The following ARFGEF1 variants were observed in gnomAD, a reference collection of about 807,000 sequenced individuals.
ARFGEF1 encodes brefeldin A-inhibited guanine nucleotide-exchange protein 1.
A neutral mutation model predicts 231.0 loss-of-function variants in ARFGEF1; 42 were observed. That is an observed-to-expected ratio of 0.18 (90% CI 0.14 to 0.24). The LOEUF is 0.24. Ranked by LOEUF, ARFGEF1 falls within the 10% of genes least tolerant of loss-of-function variation. The pLI is 1.00. For missense variants in ARFGEF1, 1,345 were observed against 2,192.0 expected, an observed-to-expected ratio of 0.61 and a Z score of 7.72; for synonymous variants, 710 against 732.3, an observed-to-expected ratio of 0.97 and a Z score of 0.49.
intron 1 of ARFGEF1, among the ~76,000 whole-genome samples, chr8:67,317,587 C>A: frequency 7.1e-6 from 1 of 140,232 alleles, no homozygotes. Flanking sequence ...GGGGTTTATT[C>A]TAAAGACACA....
intron 35 of ARFGEF1, among the ~76,000 whole-genome samples, chr8:67,203,489 C>T (rs1489214269): frequency 6.6e-6 from 1 of 152,180 alleles, no homozygotes; most frequent in African/African-American, 2.4e-5. Flanking sequence ...CGTTCCTCAG[C>T]CCCTCAAGTC....
intron 1 of ARFGEF1, among the ~76,000 whole-genome samples, chr8:67,316,191 T>C (rs1807308016): frequency 6.6e-6 from 1 of 152,132 alleles, no homozygotes; most frequent in African/African-American, 2.4e-5. Context: ...GACCAATTCC[T>C]CAAGAAGCAC....
intron 36 of ARFGEF1, among the ~76,000 whole-genome samples, chr8:67,202,143 A>G (rs756127281): frequency 5.9e-5 from 9 of 152,236 alleles, no homozygotes; most frequent in Non-Finnish European, 1.3e-4. Context: ...AACATTAAGC[A>G]CCAAACCCTT....
intron 1 of ARFGEF1, among the ~76,000 whole-genome samples, chr8:67,329,069 T>C (rs1319357669): frequency 4.0e-5 from 6 of 151,656 alleles, no homozygotes; most frequent in Admixed American, 2.0e-4. Flanking sequence ...CTACTAAAAA[T>C]ACAAAAATTA....
intron 23 of ARFGEF1, among the ~76,000 whole-genome samples, chr8:67,230,724 T>A (rs2128873612): frequency 6.6e-6 from 1 of 152,206 alleles, no homozygotes; most frequent in Non-Finnish European, 1.5e-5. Context: ...AAACCATTCA[T>A]GGATAAAGTC....
At chr8:67,216,463 ATCCAG>A in intron 33 of ARFGEF1, 122 bp downstream of exon 33, 1 of 848,260 alleles carries the variant, frequency 1.2e-6, no homozygotes, top group African/African-American at 1.8e-5. Flanking sequence ...TTTATAAGTA[ATCCAG>A]TCTCAGATAT....
At chr8:67,260,324 G>A (rs916087301) in intron 14 of ARFGEF1, among the ~76,000 whole-genome samples, 2 of 152,100 alleles carry the variant, frequency 1.3e-5, no homozygotes, top group African/African-American at 4.8e-5. Context: ...TCACAGATAC[G>A]TGTTTTTTAC....
chr8:67,175,126 CTTTAG>C, downstream of ARFGEF1: 1 of 603,952 alleles, frequency 1.7e-6, no homozygotes, highest in Non-Finnish European at 3.0e-6. Flanking sequence ...ATTTCATATT[CTTTAG>C]TTTTGTGGCT....
intron 14 of ARFGEF1, among the ~76,000 whole-genome samples, chr8:67,262,394 T>G (rs571107403): frequency 6.6e-6 from 1 of 152,170 alleles, no homozygotes; most frequent in Non-Finnish European, 1.5e-5. Context: ...TATAGACAAG[T>G]GAAAACAGTG....
At position 67,300,543 on chromosome 8, in the gene ARFGEF1, G is replaced by A. The variant is rs756512314; in HGVS notation, c.312+681C>T. ...TTCATATAAAACAGACACTGGCCAGGCACAGTGGCTCACGCCTGTAATCCC... is the reference window on the plus strand; with the variant it reads ...TTCATATAAAACAGACACTGGCCAGACACAGTGGCTCACGCCTGTAATCCC... On this transcript the variant is annotated intron_variant, in intron 3 of 38. Transcript: ENST00000262215. Among the ~76,000 whole-genome samples, 29 of 151,546 alleles carry A rather than the reference G, an allele frequency of 1.9e-4. No individual in the cohort carries two copies. In the Middle Eastern group the frequency reaches 0.014, roughly 72 times the overall value.
intron 5 of ARFGEF1, among the ~76,000 whole-genome samples, chr8:67,181,802 T>C (rs1448015085): frequency 3.9e-5 from 6 of 152,064 alleles, no homozygotes; most frequent in Non-Finnish European, 2.9e-5. Flanking sequence ...AAATAGAAAC[T>C]CTTCATATGA....
intron 4 of ARFGEF1, among the ~76,000 whole-genome samples, chr8:67,297,377 T>C (rs1222321789): frequency 6.6e-6 from 1 of 152,182 alleles, no homozygotes; most frequent in Non-Finnish European, 1.5e-5. Context: ...TTGTTGTTAT[T>C]GTTGAAGAGG....
At chr8:67,265,747 T>C (rs1207148115) in intron 14 of ARFGEF1, among the ~76,000 whole-genome samples, 4 of 152,072 alleles carry the variant, frequency 2.6e-5, no homozygotes, top group East Asian at 1.9e-4. Context: ...CAGTGCAAAA[T>C]TGCACAGATG....
At chr8:67,177,585 G>A (rs1831999744) in intron 5 of ARFGEF1, 2 of 764,470 alleles carry the variant, frequency 2.6e-6, no homozygotes, top group Non-Finnish European at 4.5e-6. Flanking sequence ...GTAATTTCCA[G>A]TAGAGAGCTA....
In ARFGEF1 at chr8:67,314,865, A is replaced by G. The variant is rs972227667; in HGVS notation, c.125-12399T>C. ...GTCGGGGCAACGTAGCAGGACCCCAACTCTATAAAAAAATTTAAAAATTAG... is the reference window on the plus strand; with the variant it reads ...GTCGGGGCAACGTAGCAGGACCCCAGCTCTATAAAAAAATTTAAAAATTAG... On this transcript the variant is annotated intron_variant, in intron 1 of 38. Coordinates refer to ENST00000262215, the MANE Select transcript of ARFGEF1 (RefSeq NM_006421.5). Among the ~76,000 whole-genome samples the G allele has an allele frequency of 2.0e-5, 3 of 151,942 alleles. 1 individual carries two copies. The highest frequency in any genetic ancestry group is 4.2e-4 in the South Asian group (2 of 4,804).
downstream of ARFGEF1, chr8:67,174,459 A>G (rs1283487466): frequency 6.6e-6 from 1 of 152,148 alleles, no homozygotes; most frequent in Non-Finnish European, 1.5e-5. Flanking sequence ...TTTCTTCTCA[A>G]GATTAAAAAA....
In ARFGEF1 at chr8:67,227,923, A is replaced by G. The variant is rs373104860; in HGVS notation, c.3591+40T>C. The G allele has an allele frequency of 1.9e-5, 28 of 1,457,508 alleles. No homozygotes were observed. In the African/African-American group the frequency reaches 4.0e-4, roughly 21 times the overall value. 90.3% of individuals were successfully genotyped at this position (1,457,508 alleles called of 1,614,324 possible). On this transcript the variant is annotated intron_variant, in intron 25 of 38. Transcript: ENST00000262215. ...TACAAGGACATTCTAAACAAAAAATATACTACAAATGTAAACAAACACCAT... is the reference window on the plus strand; with the variant it reads ...TACAAGGACATTCTAAACAAAAAATGTACTACAAATGTAAACAAACACCAT...
intron 38 of ARFGEF1, 46 bp downstream of exon 38, chr8:67,200,350 G>T: frequency 7.2e-7 from 1 of 1,385,202 alleles, no homozygotes; most frequent in South Asian, 1.2e-5. Context: ...ATCCCAATGC[G>T]AATTGGGCTA....
Position 67,244,631 on chromosome 8 carries a change from G to A in ARFGEF1, c.2851-4341C>T, listed in dbSNP as rs1234152472. Among the ~76,000 whole-genome samples, 5 of 149,188 alleles carry A rather than the reference G, an allele frequency of 3.4e-5. 1 individual carries two copies. Among genetic ancestry groups the A allele is most frequent in the Admixed American group, 2.0e-4 (3 of 14,878 alleles). The stretch of plus-strand genomic sequence containing the variant: ...GTCTCTTAATAGCAGAACTGATCAA[G>A]CAGAAGAAAGAATTAGTAAGCGTGA... On this transcript the variant is annotated intron_variant, in intron 19 of 38. Transcript: ENST00000262215.
Sources: allele counts gnomAD v4.1 joint callset (sites outside exome capture counted in the v4.1 genomes callset), GRCh38; gene constraint gnomAD v4.1.1; transcripts MANE v1.5; gene names NCBI Gene and HGNC (gene_info 2026-07-23, HGNC 2026-07-21).